PRKDC: variants seen among roughly 807,000 people sequenced by gnomAD.
The protein encoded by PRKDC is DNA-dependent protein kinase catalytic subunit.
PRKDC carries 82 observed loss-of-function variants against 486.9 expected under a neutral mutation model. That is an observed-to-expected ratio of 0.17 (90% confidence interval 0.14 to 0.20). The LOEUF is 0.20. Among genes scored for constraint, PRKDC ranks in the 10% least tolerant of loss-of-function variants. The pLI is 1.00. For missense variants in PRKDC, 4,504 were observed against 5,038.2 expected (o/e 0.89, Z 3.21); for synonymous variants, 1,895 against 1,837.0 (o/e 1.03, Z -0.81).
intron 34 of PRKDC, among the ~76,000 whole-genome samples, chr8:47,888,025 GT>G (rs1387413831): frequency 6.6e-6 from 1 of 151,174 alleles, no homozygotes; most frequent in African/African-American, 2.4e-5. Flanking sequence ...CCTGGACAAT[GT>G]TTTTTTTTGT....
intron 25 of PRKDC, among the ~76,000 whole-genome samples, chr8:47,909,747 G>T (rs745550361): frequency 2.0e-5 from 3 of 152,178 alleles, no homozygotes; most frequent in Non-Finnish European, 4.4e-5. Flanking sequence ...TGCTCTGGGA[G>T]TGTCTGTCTT....
At chr8:47,803,609 T>G (rs1330774237) in intron 69 of PRKDC, 129 bp from the exon 70 acceptor site, 2 of 784,230 alleles carry the variant, frequency 2.6e-6, no homozygotes, top group Non-Finnish European at 4.3e-6. Flanking sequence ...TTCTTTAGCT[T>G]CAATTATGTC....
chr8:47,842,993 C>A (rs2088183009), intron 54 of PRKDC, among the ~76,000 whole-genome samples: 1 of 152,128 alleles, frequency 6.6e-6, no homozygotes, highest in Non-Finnish European at 1.5e-5. Flanking sequence ...GATGAAACCC[C>A]ATCTCTGCAA....
intron 21 of PRKDC, among the ~76,000 whole-genome samples, chr8:47,920,288 C>G (rs2090051624): frequency 6.6e-6 from 1 of 152,168 alleles, no homozygotes. Flanking sequence ...CATGACCGAG[C>G]TGGTGTCGGC....
intron 7 of PRKDC, among the ~76,000 whole-genome samples, chr8:47,950,333 AT>A (rs1184626641): frequency 6.7e-6 from 1 of 149,386 alleles, no homozygotes; most frequent in Non-Finnish European, 1.5e-5. Context: ...CCTTAAGATT[AT>A]TTTAGGATCG....
chr8:47,864,214 T>C (rs1455658185), intron 41 of PRKDC, among the ~76,000 whole-genome samples: 1 of 151,000 alleles, frequency 6.6e-6, no homozygotes, highest in Non-Finnish European at 1.5e-5. Context: ...GAGACCAGGG[T>C]GAAACCAGCA....
In PRKDC at chr8:47,864,648, G is replaced by C. The variant is rs777880039; in HGVS notation, c.5479C>G (p.Leu1827Val). 6.2e-7 allele frequency: 1 copy of C among 1,609,244 alleles called. No individual in the cohort carries two copies. Among genetic ancestry groups the C allele is most frequent in the South Asian group, 1.1e-5 (1 of 90,022 alleles). Residue 1827 changes from leucine to valine, a missense_variant, in exon 41 of 86, where the codon CTG becomes GTG. Physicochemically the swap from Leu to Val is conservative, Grantham distance 32 (BLOSUM62 1). Transcript: ENST00000314191. ...QSFVDRSLLT[L>V]LWHCSLDALR... ...GCATCCAGGCTACAGTGCCACAGCAGAGTGAGGAGGGAGCGGTCCACAAAG... is the reference window on the plus strand; with the variant it reads ...GCATCCAGGCTACAGTGCCACAGCACAGTGAGGAGGGAGCGGTCCACAAAG...
chr8:47,948,457 CTTG>C (rs2090573531), intron 7 of PRKDC, among the ~76,000 whole-genome samples: 1 of 140,038 alleles, frequency 7.1e-6, no homozygotes, highest in Non-Finnish European at 1.5e-5. Flanking sequence ...TCCTGGGTGC[CTTG>C]TTTTTTTTTT....
chr8:47,784,257 C>CAA (rs538749759), intron 77 of PRKDC: 15 of 102,896 alleles, frequency 1.5e-4, no homozygotes, highest in South Asian at 2.9e-4. Context: ...GACTCCATCG[C>CAA]AAAAAAAAAA....
chr8:47,910,735 G>T (rs570272805), intron 25 of PRKDC, among the ~76,000 whole-genome samples: 1 of 151,920 alleles, frequency 6.6e-6, no homozygotes, highest in East Asian at 1.9e-4. Context: ...GGGAAACGAC[G>T]TTTTTTTCAA....
Position 47,782,556 on chromosome 8 carries a change from T to A in PRKDC, c.11218A>T (p.Ile3740Phe). Residue 3740 changes from isoleucine (I) to phenylalanine (F), a missense_variant, in exon 79 of 86, where the codon ATC becomes TTC. Physicochemically the swap from Ile to Phe is conservative, Grantham distance 21. Around this residue, in one of 6 missense-constraint regions of PRKDC, gnomAD observed 706 missense variants for 945.0 expected, o/e 0.75. Transcript: ENST00000314191. The surrounding 1 kb of genome is among the most constrained non-coding windows in gnomAD (Gnocchi z 4.9). ...ASLRRPKRII[I>F]RGHDEREHPF... ...TGTTCCCTCTCGTCATGGCCACGGA[T>A]GATGATGCGCTTGGGCCTTCGCAGA... 3 of 1,571,844 alleles carry A rather than the reference T, an allele frequency of 1.9e-6. No individual in the cohort carries two copies. The highest frequency in any genetic ancestry group is 2.6e-6 in the Non-Finnish European group (3 of 1,158,610).
chr8:47,794,678 T>C lies in PRKDC; in HGVS notation c.10459-177A>G, dbSNP rs1409161461. Among the ~76,000 whole-genome samples the C allele has an allele frequency of 3.3e-5, 5 of 152,370 alleles. No homozygotes were observed. In the East Asian group the frequency reaches 9.6e-4, roughly 29 times the overall value. On this transcript the variant is annotated intron_variant, in intron 73 of 85. Transcript: ENST00000314191. The stretch of plus-strand genomic sequence containing the variant: ...AACCACTGGACTCTCCCAGGCACTT[T>C]CTGTGCAGGAGAACAGTCTTTTGTT...
At chr8:47,867,296 C>T (rs2088840770) in intron 40 of PRKDC, among the ~76,000 whole-genome samples, 1 of 152,034 alleles carries the variant, frequency 6.6e-6, no homozygotes, top group Non-Finnish European at 1.5e-5. Context: ...AATTGCAGCT[C>T]ATTATATAGC....
intron 83 of PRKDC, among the ~76,000 whole-genome samples, 193 bp downstream of exon 83, chr8:47,778,266 T>G (rs1166606076): frequency 6.6e-6 from 1 of 152,206 alleles, no homozygotes; most frequent in African/African-American, 2.4e-5. Flanking sequence ...ATATCACTGA[T>G]CACCATGACT....
At chr8:47,816,124 G>C (rs781005286) in intron 68 of PRKDC, among the ~76,000 whole-genome samples, 2 of 152,068 alleles carry the variant, frequency 1.3e-5, no homozygotes, top group Non-Finnish European at 2.9e-5. Context: ...TGAGGCAGGA[G>C]AATCGCTTGA....
At chr8:47,914,214 A>G (rs1229595787) in intron 23 of PRKDC, 150 bp from the exon 24 acceptor site, 5 of 635,336 alleles carry the variant, frequency 7.9e-6, no homozygotes, top group African/African-American at 1.9e-5. Context: ...CTTTTGCCTC[A>G]GATATGTAAT....
chr8:47,800,924 G>C lies in PRKDC; in HGVS notation c.9985C>G (p.Leu3329Val). The change falls in exon 71 of 86, where the codon CTC (leucine) becomes GTC (valine). Residue 3329 changes from leucine to valine, a missense_variant. By Grantham distance (32) the Leu-to-Val change is conservative. Transcript: ENST00000314191. Reference protein sequence around the residue: ...NILAFRDQNILLGTTYRIIAN... With the variant: ...NILAFRDQNIVLGTTYRIIAN... The stretch of plus-strand genomic sequence containing the variant: ...ATGATCCTGTAAGTTGTACCCAAGA[G>C]AATGTTCTGGTCACGGAAAGCCAGA... 1.2e-6 allele frequency: 2 copies of C among 1,613,986 alleles called. No homozygotes were observed. The highest frequency in any genetic ancestry group is 1.3e-5 in the African/African-American group (1 of 75,058).
In PRKDC at chr8:47,954,424, G is replaced by A; in HGVS notation, c.422C>T (p.Ser141Phe). 1 of 1,349,234 alleles carries A rather than the reference G, an allele frequency of 7.4e-7. No homozygotes were observed. Among genetic ancestry groups the A allele is most frequent in the Non-Finnish European group, 1.0e-6 (1 of 997,396 alleles). 83.6% of individuals were successfully genotyped at this position (1,349,234 alleles called of 1,614,324 possible). ...AATTTTAAATTCATCCATGAGTCTA[G>A]AACTTCTAAAAGTCTGAAGTAACTA... ...LIKLLQTFRS[S>F]RLMDEFKIGE... Residue 141 changes from serine (S) to phenylalanine (F), a missense_variant, in exon 5 of 86, where the codon TCT (serine) becomes TTT (phenylalanine). By Grantham distance (155) the Ser-to-Phe change is radical. Around this residue, in one of 6 missense-constraint regions of PRKDC, gnomAD observed 1,969 missense variants for 2,068.9 expected, o/e 0.95. Transcript: ENST00000314191.
chr8:47,907,709 A>G (rs993317981), intron 25 of PRKDC, among the ~76,000 whole-genome samples: 4 of 151,530 alleles, frequency 2.6e-5, no homozygotes, highest in Non-Finnish European at 4.4e-5. Flanking sequence ...TAATTTTTGT[A>G]TTTTTAGTAG....
Sources: gnomAD v4.1 joint callset for allele counts (sites outside exome capture counted in the v4.1 genomes callset) on GRCh38, gnomAD v4.1.1 for gene constraint, gnomAD v4.1.1 regional missense constraint, Gnocchi (gnomAD v3.1) non-coding constraint, MANE v1.5 for transcripts, NCBI Gene and HGNC (gene_info 2026-07-23, HGNC 2026-07-21) for gene names.